NCOA6: variants seen among roughly 807,000 people sequenced by gnomAD.
NCOA6 encodes NRC RAP250.
A neutral mutation model predicts 171.4 loss-of-function variants in NCOA6; 49 were observed. That is an observed-to-expected ratio of 0.29 (90% CI 0.23 to 0.36). The LOEUF is 0.36. Ranked by LOEUF, NCOA6 falls within the 10% of genes least tolerant of loss-of-function variation. NCOA6 has a pLI of 1.00. For missense variants in NCOA6, 2,248 were observed against 2,554.5 expected, an observed-to-expected ratio of 0.88 and a Z score of 2.59; for synonymous variants, 910 against 927.5, an observed-to-expected ratio of 0.98 and a Z score of 0.34.
intron 14 of NCOA6, among the ~76,000 whole-genome samples, chr20:34,724,852 G>A (rs1050713045): frequency 2.0e-5 from 3 of 150,866 alleles, no homozygotes; most frequent in Non-Finnish European, 2.9e-5. Flanking sequence ...ACAATGACGC[G>A]ATCTTGGCTC....
At chr20:34,734,213 CG>C (rs1176960936) in intron 12 of NCOA6, among the ~76,000 whole-genome samples, 2 of 151,502 alleles carry the variant, frequency 1.3e-5, no homozygotes, top group Non-Finnish European at 2.9e-5. Context: ...TATAGGCACG[CG>C]GTACCAGGCC....
Position 34,797,762 on chromosome 20 carries a change from C to A in NCOA6, c.-163-5199G>T, listed in dbSNP as rs552440171. On this transcript the variant is annotated intron_variant, in intron 1 of 14. Coordinates refer to ENST00000359003, the MANE Select transcript of NCOA6 (RefSeq NM_014071.5). ...AATTAGCTGGGCGTGGTGGTGCATG[C>A]CTGTAGTCCCAGCCACTCGGGAGGC... 2.6e-5 allele frequency among the ~76,000 whole-genome samples: 4 copies of A among 152,132 alleles called. No homozygotes were observed. In the East Asian group the frequency reaches 7.8e-4, roughly 29 times the overall value.
At chr20:34,720,279 CA>C (rs1989162725) in intron 14 of NCOA6, among the ~76,000 whole-genome samples, 1 of 152,158 alleles carries the variant, frequency 6.6e-6, no homozygotes, top group Non-Finnish European at 1.5e-5. Flanking sequence ...TGTTTGTAAA[CA>C]ACACATCTGA....
chr20:34,726,387 C>T (rs1285438268), intron 14 of NCOA6, among the ~76,000 whole-genome samples: 1 of 151,764 alleles, frequency 6.6e-6, no homozygotes, highest in African/African-American at 2.4e-5. Flanking sequence ...AAAGTGTGGA[C>T]CAGAGGTTTA....
chr20:34,740,886 G>T lies in NCOA6; in HGVS notation c.5370C>A (p.Thr1790=). ...DQNTLPSSQS[T]TMVSPLLTNS... is the part of the protein sequence containing the mutation. Reference sequence around the variant, plus strand: ...TGGTCAAAAGGGGAGAAACCATTGTGGTTGACTGTGAAGAGGGAAGAGTGT... The same window carrying T: ...TGGTCAAAAGGGGAGAAACCATTGTTGTTGACTGTGAAGAGGGAAGAGTGT... Residue 1790 remains threonine, a synonymous_variant, in exon 11 of 15, where the codon ACC becomes ACA. Coordinates refer to ENST00000359003, the MANE Select transcript of NCOA6 (RefSeq NM_014071.5). The T allele has an allele frequency of 1.1e-5, 18 of 1,614,240 alleles. No individual in the cohort carries two copies. Among genetic ancestry groups the T allele is most frequent in the Non-Finnish European group, 1.5e-5 (18 of 1,180,048 alleles).
intron 1 of NCOA6, among the ~76,000 whole-genome samples, chr20:34,814,604 T>G (rs2078770693): frequency 6.6e-6 from 1 of 152,226 alleles, no homozygotes; most frequent in African/African-American, 2.4e-5. Context: ...TTTTTTTTGT[T>G]TTTTGAGACG....
chr20:34,778,326 G>T (rs750808944), intron 3 of NCOA6, among the ~76,000 whole-genome samples: 7 of 152,198 alleles, frequency 4.6e-5, no homozygotes, highest in Non-Finnish European at 8.8e-5. Context: ...TATCAAGGAA[G>T]TAGAGTAGTC....
intron 2 of NCOA6, among the ~76,000 whole-genome samples, chr20:34,788,684 G>T (rs969276827): frequency 1.3e-5 from 2 of 152,176 alleles, no homozygotes; most frequent in African/African-American, 4.8e-5. Flanking sequence ...TAAGTAAACA[G>T]CCTGTAATTC....
chr20:34,746,996 A>G, intron 9 of NCOA6, 68 bp from the exon 10 acceptor site: 1 of 1,353,142 alleles, frequency 7.4e-7, no homozygotes, highest in South Asian at 1.7e-5. Flanking sequence ...ACACAAAACT[A>G]GCTTAACCCT....
intron 5 of NCOA6, among the ~76,000 whole-genome samples, chr20:34,764,642 G>A (rs1016214091): frequency 1.3e-5 from 2 of 151,358 alleles, no homozygotes; most frequent in African/African-American, 2.4e-5. Flanking sequence ...CCAAGATCGC[G>A]CAACTGCACT....
chr20:34,740,063 A>T (rs1377396023), intron 11 of NCOA6, among the ~76,000 whole-genome samples: 2 of 152,114 alleles, frequency 1.3e-5, no homozygotes, highest in African/African-American at 4.8e-5. Flanking sequence ...CAGTTTCACC[A>T]TGTTGGCCAG....
intron 1 of NCOA6, among the ~76,000 whole-genome samples, chr20:34,807,980 T>C (rs1449473595): frequency 6.6e-6 from 1 of 151,530 alleles, no homozygotes; most frequent in East Asian, 2.0e-4. Context: ...TGAAACCCTG[T>C]CTCTACTAAA....
At position 34,740,608 on chromosome 20, in the gene NCOA6, G is replaced by A; in HGVS notation, c.5648C>T (p.Ala1883Val). ...AGAGGTCATTTTTAGCAGAGTGGGT[G>A]CTGGGGGCGTTGGGGTTTTACTGTC... Reference protein sequence around the residue: ...ELDSKTPTPPAPTLLKMTSSP... With the variant: ...ELDSKTPTPPVPTLLKMTSSP... Residue 1883 changes from alanine (A) to valine (V), a missense_variant, in exon 11 of 15, where the codon GCA (alanine) becomes GTA (valine). Physicochemically the swap from Ala to Val is moderately conservative, Grantham distance 64. This residue lies in a region of NCOA6 where 884 missense variants were observed against 941.9 expected (regional missense o/e 0.94). Transcript: ENST00000359003. 3.7e-6 allele frequency: 6 copies of A among 1,614,194 alleles called. No individual in the cohort carries two copies. The highest frequency in any genetic ancestry group is 5.1e-6 in the Non-Finnish European group (6 of 1,180,042).
intron 13 of NCOA6, 83 bp from the exon 14 acceptor site, chr20:34,727,490 G>T: frequency 7.0e-7 from 1 of 1,438,154 alleles, no homozygotes; most frequent in Non-Finnish European, 9.6e-7. Context: ...AGTTTCATTC[G>T]TAAAGTAGGA....
rs2076153699 is a variant in NCOA6, at chr20:34,741,840, A to G, written c.4416T>C (p.Ser1472=). The G allele has an allele frequency of 6.2e-7, 1 of 1,614,068 alleles. No homozygotes were observed. The highest frequency in any genetic ancestry group is 1.3e-5 in the African/African-American group (1 of 74,926). ...GQPSDPNKLP[S]VEENKNLVSP... Reference sequence around the variant, plus strand: ...ACACCAAATTTTTGTTCTCTTCGACACTGGGAAGTTTGTTAGGATCCGAAG... The same window carrying G: ...ACACCAAATTTTTGTTCTCTTCGACGCTGGGAAGTTTGTTAGGATCCGAAG... Residue 1472 remains serine, a synonymous_variant, in exon 11 of 15, where the codon AGT becomes AGC. Coordinates refer to ENST00000359003, the MANE Select transcript of NCOA6 (RefSeq NM_014071.5).
At chr20:34,798,095 A>C (rs1205344046) in intron 1 of NCOA6, among the ~76,000 whole-genome samples, 1 of 152,158 alleles carries the variant, frequency 6.6e-6, no homozygotes, top group Non-Finnish European at 1.5e-5. Flanking sequence ...ACTGTCCTGA[A>C]GGGAGAGTCC....
Position 34,749,682 on chromosome 20 carries a change from C to G in NCOA6, c.2513G>C (p.Gly838Ala). ...GAAGTGGTTTCCCGAGGCACTGTTT[C>G]CCTGCATGGCCTGCACATGAGGGGG... ...MVPPHVQAMQ[G>A]NSASGNHFSG... Residue 838 changes from glycine (G) to alanine (A), a missense_variant, in exon 9 of 15, where the codon GGA (glycine) becomes GCA (alanine). Around this residue, in one of 7 missense-constraint regions of NCOA6, gnomAD observed 987 missense variants for 1,104.7 expected, o/e 0.89. Coordinates refer to ENST00000359003, the MANE Select transcript of NCOA6 (RefSeq NM_014071.5). 6.2e-7 allele frequency: 1 copy of G among 1,614,152 alleles called. No individual in the cohort carries two copies.
intron 3 of NCOA6, among the ~76,000 whole-genome samples, chr20:34,779,845 A>C (rs1600994773): frequency 6.6e-6 from 1 of 151,910 alleles, no homozygotes; most frequent in African/African-American, 2.4e-5. Context: ...GGAAAAAAAA[A>C]CAGGGAAAAC....
intron 1 of NCOA6, among the ~76,000 whole-genome samples, chr20:34,812,026 G>A (rs1260082377): frequency 6.6e-6 from 1 of 151,952 alleles, no homozygotes; most frequent in Non-Finnish European, 1.5e-5. Context: ...GAGGTGGGAG[G>A]ATCACAAGGT....
Sources: allele counts gnomAD v4.1 joint callset (sites outside exome capture counted in the v4.1 genomes callset), GRCh38; gene constraint gnomAD v4.1.1; regional missense constraint gnomAD v4.1.1; transcripts MANE v1.5; gene names NCBI Gene and HGNC (gene_info 2026-07-23, HGNC 2026-07-21).